PKIA: variants seen among roughly 807,000 people sequenced by gnomAD.
PKIA encodes PKI-alpha.
A neutral mutation model predicts 7.6 loss-of-function variants in PKIA; 4 were observed. That is an observed-to-expected ratio of 0.52 (90% CI 0.26 to 1.20). The LOEUF is 1.20. Among genes scored for constraint, PKIA ranks in the 50% most tolerant of loss-of-function variants. PKIA has a pLI of 0.13. For missense variants in PKIA, 73 were observed against 86.2 expected (o/e 0.85, Z 0.61); for synonymous variants, 21 against 30.7 (o/e 0.68, Z 1.04).
In PKIA at chr8:78,586,678, T is replaced by C. The variant is rs536463114; in HGVS notation, c.-27-11680T>C. On this transcript the variant is annotated intron_variant, in intron 2 of 3. Transcript: ENST00000396418. ...ATCAATAGACTATCACCCTATAGAG[T>C]AATACCTCAAAACATAATGTAAACT... is the stretch of plus-strand genomic sequence containing the variant. 8.9e-4 allele frequency among the ~76,000 whole-genome samples: 136 copies of C among 152,262 alleles called. 2 individuals carry two copies. Among genetic ancestry groups the C allele is most frequent in the Middle Eastern group, 6.8e-3 (2 of 294 alleles).
chr8:78,551,401 C>A (rs1410881408), intron 1 of PKIA, among the ~76,000 whole-genome samples: 1 of 152,010 alleles, frequency 6.6e-6, no homozygotes, highest in East Asian at 1.9e-4. Flanking sequence ...ACAGGCTCCA[C>A]TTCATAAGTG....
rs1807586324 is a variant in PKIA, at chr8:78,572,874, G to A, written c.-93G>A. 1 of 151,658 alleles carries A rather than the reference G, an allele frequency of 6.6e-6. No individual in the cohort carries two copies. Among genetic ancestry groups the A allele is most frequent in the Non-Finnish European group, 1.5e-5 (1 of 67,926 alleles). 9.4% of individuals were successfully genotyped at this position (151,658 alleles called of 1,614,324 possible). A position where few individuals can be genotyped will look rare whatever the true frequency, so the allele number is the denominator to read the frequency against. On this transcript the variant is annotated 5_prime_UTR_variant, in exon 2 of 4. Transcript: ENST00000396418. ...AGTGATTTCTGATAGAAATCTGAAG[G>A]TCATCTCCAAGAAAAAAGAGATCTA...
chr8:78,598,568 A>G, intron 3 of PKIA, 33 bp downstream of exon 3: 1 of 1,569,794 alleles, frequency 6.4e-7, no homozygotes. Flanking sequence ...CTCTATGAGC[A>G]TGGAATGATT....
intron 2 of PKIA, among the ~76,000 whole-genome samples, chr8:78,587,046 A>T (rs1563590541): frequency 6.6e-6 from 1 of 152,150 alleles, no homozygotes; most frequent in Non-Finnish European, 1.5e-5. Context: ...TATATCTTGG[A>T]ACAGACCAGA....
At chr8:78,586,739 CA>C (rs1452807344) in intron 2 of PKIA, among the ~76,000 whole-genome samples, 8 of 152,062 alleles carry the variant, frequency 5.3e-5, no homozygotes, top group Non-Finnish European at 1.2e-4. Flanking sequence ...GATGGCAAAC[CA>C]TTAACAGAAA....
intron 1 of PKIA, among the ~76,000 whole-genome samples, chr8:78,528,517 C>G (rs555728765): frequency 1.3e-5 from 2 of 151,932 alleles, no homozygotes; most frequent in Non-Finnish European, 2.9e-5. Context: ...ATACATCTCT[C>G]TTAATGTTAA....
In PKIA at chr8:78,602,694, A is replaced by ATATATATATATATATATATATATATATAT. The variant is rs1563597433; in HGVS notation, c.*873_*874insTATATATATATATATATATATATATATAT. 4.4e-5 allele frequency: 6 copies of ATATATATATATATATATATATATATATAT among 136,978 alleles called. No homozygotes were observed. In the South Asian group the frequency reaches 1.1e-3, roughly 25 times the overall value. The allele number at this position is 136,978 out of a possible 1,614,324, so 8.5% of individuals were successfully genotyped here. A position where few individuals can be genotyped will look rare whatever the true frequency, so the allele number is the denominator to read the frequency against. ...CTCAAGTGGAGAACTTCTCCCACAT[A>ATATATATATATATATATATATATATATAT]ATATATATATATATATATATTTTAA... is the stretch of plus-strand genomic sequence containing the variant. On this transcript the variant is annotated 3_prime_UTR_variant, in exon 4 of 4. Coordinates refer to ENST00000396418, the MANE Select transcript of PKIA (RefSeq NM_006823.4).
chr8:78,601,508 AAT>A (rs1411247729), intron 3 of PKIA, among the ~76,000 whole-genome samples: 1 of 152,042 alleles, frequency 6.6e-6, no homozygotes, highest in African/African-American at 2.4e-5. Context: ...TGAAAATTTG[AAT>A]ATTATTTTGT....
At chr8:78,542,792 A>G (rs946059440) in intron 1 of PKIA, among the ~76,000 whole-genome samples, 2 of 152,122 alleles carry the variant, frequency 1.3e-5, no homozygotes, top group Middle Eastern at 3.2e-3. Context: ...ATTCCCAGTC[A>G]TACCACCATA....
intron 1 of PKIA, among the ~76,000 whole-genome samples, chr8:78,545,628 C>T (rs35080484): frequency 0.21 from 31,720 of 151,926 alleles, 3,958 homozygotes; most frequent in African/African-American, 0.36. Context: ...ACAAAAATTA[C>T]ATATTTAGTA....
intron 2 of PKIA, among the ~76,000 whole-genome samples, chr8:78,593,706 C>A (rs1808159217): frequency 6.6e-6 from 1 of 152,128 alleles, no homozygotes; most frequent in African/African-American, 2.4e-5. Context: ...AGACAGGCTG[C>A]CTGGTAAAGT....
chr8:78,517,851 G>A (rs1205713206), intron 1 of PKIA, among the ~76,000 whole-genome samples: 5 of 152,046 alleles, frequency 3.3e-5, no homozygotes, highest in Non-Finnish European at 7.4e-5. Flanking sequence ...CAGATTGTGG[G>A]GTATCTGTGT....
intron 1 of PKIA, among the ~76,000 whole-genome samples, chr8:78,525,223 T>G (rs1050819542): frequency 6.6e-6 from 1 of 151,850 alleles, no homozygotes; most frequent in South Asian, 2.1e-4. Flanking sequence ...ATGGGGACTT[T>G]TAGAAAACTC....
chr8:78,566,376 T>C lies in PKIA; in HGVS notation c.-156-6435T>C, dbSNP rs186438618. ...AGGCAAAGAGAAAAATAGCCTTTTT[T>C]ACATTATATTATACTTCTGGGTAAA... On this transcript the variant is annotated intron_variant, in intron 1 of 3. Transcript: ENST00000396418. Among the ~76,000 whole-genome samples the C allele has an allele frequency of 1.2e-4, 18 of 152,214 alleles. No homozygotes were observed. In the East Asian group the frequency reaches 3.5e-3, roughly 29 times the overall value.
At chr8:78,561,895 C>T (rs558220289) in intron 1 of PKIA, among the ~76,000 whole-genome samples, 1 of 152,206 alleles carries the variant, frequency 6.6e-6, no homozygotes, top group African/African-American at 2.4e-5. Flanking sequence ...TATTAATTAT[C>T]CTCTTTGTAT....
chr8:78,528,986 T>C (rs1348348454), intron 1 of PKIA, among the ~76,000 whole-genome samples: 1 of 152,102 alleles, frequency 6.6e-6, no homozygotes, highest in Non-Finnish European at 1.5e-5. Flanking sequence ...GCTAAAACTT[T>C]AGGGTCAAAA....
At chr8:78,550,632 T>G (rs1455219306) in intron 1 of PKIA, among the ~76,000 whole-genome samples, 2 of 152,072 alleles carry the variant, frequency 1.3e-5, no homozygotes, top group Non-Finnish European at 2.9e-5. Context: ...TCCTCCCTTA[T>G]CTGAGTTAAA....
At chr8:78,523,224 T>C (rs1281165642) in intron 1 of PKIA, among the ~76,000 whole-genome samples, 1 of 151,966 alleles carries the variant, frequency 6.6e-6, no homozygotes, top group Non-Finnish European at 1.5e-5. Context: ...CACTCCACAG[T>C]GTAGCTGACC....
chr8:78,572,966 A>T (rs976571719), intron 2 of PKIA, 27 bp downstream of exon 2: 5 of 151,992 alleles, frequency 3.3e-5, no homozygotes, highest in Non-Finnish European at 7.4e-5. Context: ...TCAAACATTT[A>T]ATTACCTTAA....
Sources: allele counts gnomAD v4.1 joint callset (sites outside exome capture counted in the v4.1 genomes callset), GRCh38; gene constraint gnomAD v4.1.1; transcripts MANE v1.5; gene names NCBI Gene and HGNC (gene_info 2026-07-23, HGNC 2026-07-21).